The following TLL2 variants were observed in gnomAD, a reference collection of about 807,000 sequenced individuals.
The protein encoded by TLL2 is tolloid like 2.
In TLL2, 106 loss-of-function variants were observed where a neutral mutation model predicts 123.0. That is an observed-to-expected ratio of 0.86 (90% CI 0.74 to 1.01). The LOEUF (loss-of-function observed/expected upper bound fraction) is 1.01. Among genes scored for constraint, TLL2 ranks in the 50% least tolerant of loss-of-function variants. The pLI, the probability that TLL2 is intolerant of heterozygous loss-of-function variation, is 0.00. For missense variants in TLL2, 1,332 were observed against 1,336.7 expected (o/e 1.00, Z 0.06); for synonymous variants, 494 against 516.8 (o/e 0.96, Z 0.60).
chr10:96,456,479 C>T (rs1195640351), intron 2 of TLL2, among the ~76,000 whole-genome samples: 2 of 152,168 alleles, frequency 1.3e-5, no homozygotes, highest in Non-Finnish European at 2.9e-5. Context: ...CCCTGGTAAC[C>T]CGCTCTCTGC....
chr10:96,459,605 G>C (rs1428426266), intron 2 of TLL2, among the ~76,000 whole-genome samples: 2 of 144,762 alleles, frequency 1.4e-5, no homozygotes, highest in Non-Finnish European at 3.0e-5. Flanking sequence ...GTGAGGCGGA[G>C]GTTGCAGTCA....
chr10:96,404,187 C>G (rs1366458593), intron 10 of TLL2, among the ~76,000 whole-genome samples: 1 of 152,204 alleles, frequency 6.6e-6, no homozygotes, highest in Admixed American at 6.5e-5. Flanking sequence ...TACTTTGTCT[C>G]TGTGTCTTAT....
At chr10:96,380,838 A>G (rs1213266336) in intron 16 of TLL2, among the ~76,000 whole-genome samples, 5 of 139,492 alleles carry the variant, frequency 3.6e-5, no homozygotes, top group Non-Finnish European at 7.8e-5. Context: ...TTAGCCAGGC[A>G]TGGTGGCAAG....
intron 2 of TLL2, 110 bp from the exon 3 acceptor site, chr10:96,446,278 G>T: frequency 1.0e-6 from 1 of 970,778 alleles, no homozygotes. Context: ...GAATCACCAC[G>T]GATTCGTAAG....
At chr10:96,374,968 G>A (rs375727131) in intron 18 of TLL2, among the ~76,000 whole-genome samples, 25,523 of 140,258 alleles carry the variant, frequency 0.18, 3,406 homozygotes, top group Non-Finnish European at 0.28. Context: ...TTGCGGGGGG[G>A]GGGGGGGGGT....
In TLL2 at chr10:96,376,817, C is replaced by T; in HGVS notation, c.2323G>A (p.Gly775Ser). Residue 775 changes from glycine to serine, a missense_variant and splice_region_variant, in exon 18 of 21, where the codon GGC becomes AGC. Physicochemically the swap from Gly to Ser is moderately conservative, Grantham distance 56. Coordinates refer to ENST00000357947, the MANE Select transcript of TLL2 (RefSeq NM_012465.4). ...HENGHDCKEA[G>S]CAHKISSVEG... ...ACACTGCTGATCTTGTGTGCACAGC[C>T]AGCTGGGGGTGGCAGGGGGACACAT... The T allele has an allele frequency of 6.5e-7, 1 of 1,526,938 alleles. No individual in the cohort carries two copies. The highest frequency in any genetic ancestry group is 8.8e-7 in the Non-Finnish European group (1 of 1,140,744). 94.6% of individuals were successfully genotyped at this position (1,526,938 alleles called of 1,614,324 possible). A position where few individuals can be genotyped will look rare whatever the true frequency, so the allele number is the denominator to read the frequency against.
chr10:96,429,969 G>A (rs1846720912), intron 4 of TLL2, among the ~76,000 whole-genome samples: 1 of 152,188 alleles, frequency 6.6e-6, no homozygotes, highest in African/African-American at 2.4e-5. Context: ...GCAATGAGAA[G>A]GATCTAGGAA....
At chr10:96,393,408 A>C (rs1483332223) in intron 13 of TLL2, among the ~76,000 whole-genome samples, 3 of 152,246 alleles carry the variant, frequency 2.0e-5, no homozygotes, top group Non-Finnish European at 1.5e-5. Context: ...GACTTGCACT[A>C]TTCCATTTTC....
At chr10:96,448,998 G>T (rs1846927628) in intron 2 of TLL2, among the ~76,000 whole-genome samples, 1 of 152,216 alleles carries the variant, frequency 6.6e-6, no homozygotes, top group Non-Finnish European at 1.5e-5. Context: ...GTGAATAGGA[G>T]TGGGGAGACC....
At chr10:96,398,366 G>A (rs1016068470) in intron 10 of TLL2, among the ~76,000 whole-genome samples, 1 of 152,158 alleles carries the variant, frequency 6.6e-6, no homozygotes, top group Admixed American at 6.5e-5. Context: ...CAGGGTGGCA[G>A]GATAGATGCC....
intron 13 of TLL2, among the ~76,000 whole-genome samples, chr10:96,391,967 C>T (rs1049179676): frequency 2.0e-5 from 3 of 152,144 alleles, no homozygotes; most frequent in African/African-American, 4.8e-5. Flanking sequence ...ACCTGGGCCC[C>T]GTCGCAGACT....
chr10:96,469,539 A>G (rs1283600767), intron 2 of TLL2, among the ~76,000 whole-genome samples: 15 of 152,008 alleles, frequency 9.9e-5, no homozygotes, highest in Admixed American at 9.8e-4. Context: ...CCCCACCACC[A>G]GCCTCCCGCC....
chr10:96,413,082 A>C (rs745568052), intron 8 of TLL2, 110 bp downstream of exon 8: 1 of 1,474,232 alleles, frequency 6.8e-7, no homozygotes, highest in Non-Finnish European at 9.1e-7. Context: ...CCAGAAATTA[A>C]AGCTGCCAAG....
At chr10:96,476,071 C>T (rs1350526772) in intron 2 of TLL2, among the ~76,000 whole-genome samples, 1 of 151,616 alleles carries the variant, frequency 6.6e-6, no homozygotes, top group African/African-American at 2.4e-5. Context: ...GTCTCGGGTA[C>T]ACCTTTATCA....
chr10:96,443,449 G>C (rs1426567507), intron 3 of TLL2, among the ~76,000 whole-genome samples: 2 of 152,142 alleles, frequency 1.3e-5, no homozygotes, highest in Non-Finnish European at 2.9e-5. Flanking sequence ...GCACACTGGG[G>C]CACTGGAGGT....
At chr10:96,477,679 G>A (rs760065815) in intron 2 of TLL2, among the ~76,000 whole-genome samples, 2 of 152,242 alleles carry the variant, frequency 1.3e-5, no homozygotes, top group Non-Finnish European at 2.9e-5. Flanking sequence ...ATTACTCTGA[G>A]GTAAGGATTA....
intron 20 of TLL2, 116 bp from the exon 21 acceptor site, chr10:96,368,338 CTCTG>C: frequency 4.9e-6 from 6 of 1,216,836 alleles, no homozygotes; most frequent in East Asian, 2.4e-5. Flanking sequence ...GTACCAGAGA[CTCTG>C]AAGGGCATCC....
At chr10:96,510,747 G>A (rs981280578) in intron 1 of TLL2, among the ~76,000 whole-genome samples, 6 of 152,208 alleles carry the variant, frequency 3.9e-5, no homozygotes, top group Non-Finnish European at 7.3e-5. Context: ...AAAATTACCA[G>A]TTTGTTCAGC....
intron 6 of TLL2, 41 bp downstream of exon 6, chr10:96,422,508 T>G: frequency 6.2e-7 from 1 of 1,609,874 alleles, no homozygotes; most frequent in Non-Finnish European, 8.5e-7. Flanking sequence ...GTTGCCACCT[T>G]CTCGACCGGT....
Sources: allele counts gnomAD v4.1 joint callset (sites outside exome capture counted in the v4.1 genomes callset), GRCh38; gene constraint gnomAD v4.1.1; transcripts MANE v1.5; gene names NCBI Gene and HGNC (gene_info 2026-07-23, HGNC 2026-07-21).